TPMT: variants seen among roughly 807,000 people sequenced by gnomAD.
The protein encoded by TPMT is S-adenosyl-L-methionine:thiopurine S-methyltransferase.
A neutral mutation model predicts 34.2 loss-of-function variants in TPMT; 18 were observed. The ratio of observed to expected loss-of-function variants is 0.53; its 90% confidence interval spans 0.36 to 0.78. TPMT has a LOEUF of 0.78. Ranked by LOEUF, TPMT falls within the 30% of genes least tolerant of loss-of-function variation. TPMT has a pLI of 0.00. For missense variants in TPMT, 265 were observed against 288.1 expected (o/e 0.92, Z 0.58); for synonymous variants, 69 against 92.4 (o/e 0.75, Z 1.45).
At position 18,143,300 on chromosome 6, in the gene TPMT, G is replaced by A. The variant is rs1383182995; in HGVS notation, c.366+296C>T. Among the ~76,000 whole-genome samples, 3 of 152,150 alleles carry A rather than the reference G, an allele frequency of 2.0e-5. No individual in the cohort carries two copies. In the East Asian group the frequency reaches 5.8e-4, roughly 29 times the overall value. ...CTTTATCTCTTCAATGTCTTAGGCA[G>A]GGTCTGGCACATGATGGGTTCTCAG... On this transcript the variant is annotated intron_variant, in intron 4 of 8. Coordinates refer to ENST00000309983, the MANE Select transcript of TPMT (RefSeq NM_000367.5). This position sits in a 1 kb window ranked among gnomAD's most constrained non-coding sequence, Gnocchi z 6.1.
chr6:18,154,668 G>A lies in TPMT; in HGVS notation c.-45+365C>T, dbSNP rs540194870. 2.3e-4 allele frequency among the ~76,000 whole-genome samples: 35 copies of A among 152,300 alleles called. No individual in the cohort carries two copies. Among genetic ancestry groups the A allele is most frequent in the African/African-American group, 8.4e-4 (35 of 41,550 alleles). On this transcript the variant is annotated intron_variant, in intron 1 of 8. Transcript: ENST00000309983. This position sits in a 1 kb window ranked among gnomAD's most constrained non-coding sequence, Gnocchi z 4.2. ...CGAGCCTGTAGTCCCAGTTACCGAG[G>A]AGGCTGGGGCGGGAAGATCACTTGA... is the stretch of plus-strand genomic sequence containing the variant.
In TPMT at chr6:18,149,985, G is replaced by A. The variant is rs976762527; in HGVS notation, c.-44-814C>T. On this transcript the variant is annotated intron_variant, in intron 1 of 8. Coordinates refer to ENST00000309983, the MANE Select transcript of TPMT (RefSeq NM_000367.5). This position sits in a 1 kb window ranked among gnomAD's most constrained non-coding sequence, Gnocchi z 5.0. ...CCAGCACACCAAATATTGGACACCA[G>A]TTGGGTATCTTCTGATTTAATTCTG... Among the ~76,000 whole-genome samples, 7 of 152,132 alleles carry A rather than the reference G, an allele frequency of 4.6e-5. No individual in the cohort carries two copies. The highest frequency in any genetic ancestry group is 1.7e-4 in the African/African-American group (7 of 41,446).
At chr6:18,133,512 C>T (rs1029825902) in intron 7 of TPMT, among the ~76,000 whole-genome samples, 1 of 152,202 alleles carries the variant, frequency 6.6e-6, no homozygotes, top group African/African-American at 2.4e-5. Context: ...CCCAATAGGA[C>T]TCATGAGATT....
In TPMT at chr6:18,139,790, C is replaced by A; in HGVS notation, c.367-73G>T. ...TACTTGAATAGTCAAGGAAAGAGGGCCAAGCAAAGCAAAAGTTCTAGGGAA... is the reference window on the plus strand; with the variant it reads ...TACTTGAATAGTCAAGGAAAGAGGGACAAGCAAAGCAAAAGTTCTAGGGAA... On this transcript the variant is annotated intron_variant, in intron 4 of 8. Coordinates refer to ENST00000309983, the MANE Select transcript of TPMT (RefSeq NM_000367.5). This position sits in a 1 kb window ranked among gnomAD's most constrained non-coding sequence, Gnocchi z 4.2. 2.1e-6 allele frequency: 2 copies of A among 964,840 alleles called. No individual in the cohort carries two copies. Among genetic ancestry groups the A allele is most frequent in the Non-Finnish European group, 1.6e-6 (1 of 625,946 alleles). 59.8% of individuals were successfully genotyped at this position (964,840 alleles called of 1,614,324 possible). A position where few individuals can be genotyped will look rare whatever the true frequency, so the allele number is the denominator to read the frequency against.
rs534529294 is a variant in TPMT at position 18,144,877 on chromosome 6, T to A, written c.234-1149A>T. On this transcript the variant is annotated intron_variant, in intron 3 of 8. Coordinates refer to ENST00000309983, the MANE Select transcript of TPMT (RefSeq NM_000367.5). ...CTGGGATTACAGGTGTGCCCCACCA[T>A]ACCCGGCTAATTTTTGTATTTTTAG... is the stretch of plus-strand genomic sequence containing the variant. Among the ~76,000 whole-genome samples, 4 of 150,918 alleles carry A rather than the reference T, an allele frequency of 2.7e-5. No homozygotes were observed. The South Asian group carries it at 8.4e-4, about 32-fold the overall frequency.
intron 3 of TPMT, among the ~76,000 whole-genome samples, chr6:18,144,288 G>A (rs923544795): frequency 4.6e-5 from 7 of 152,100 alleles, no homozygotes; most frequent in African/African-American, 1.4e-4. Context: ...TACTAATCTT[G>A]TAGTTTCCAT....
Position 18,139,083 on chromosome 6 carries a change from T to G in TPMT, c.420-46A>C, listed in dbSNP as rs1420148917. On this transcript the variant is annotated intron_variant, in intron 5 of 8. Transcript: ENST00000309983. The surrounding 1 kb of genome is among the most constrained non-coding windows in gnomAD (Gnocchi z 4.2). ...ATTTTATGGGAGAAAAATCAAATCTTTAAGAAGATGAGCAGCGTCCCCCAT... is the reference window on the plus strand; with the variant it reads ...ATTTTATGGGAGAAAAATCAAATCTGTAAGAAGATGAGCAGCGTCCCCCAT... 17 of 1,543,824 alleles carry G rather than the reference T, an allele frequency of 1.1e-5. No homozygotes were observed. Among genetic ancestry groups the G allele is most frequent in the South Asian group, 7.8e-5 (7 of 89,810 alleles).
chr6:18,132,449 T>TG lies in TPMT; in HGVS notation c.581-273dup, dbSNP rs1012158122. ...GAGTGGATTCCATCAGCAGATTCCT[T>TG]GGGGGTTTCAACCATCTTCTAGCAT... On this transcript the variant is annotated intron_variant, in intron 7 of 8. Coordinates refer to ENST00000309983, the MANE Select transcript of TPMT (RefSeq NM_000367.5). The surrounding 1 kb of genome is among the most constrained non-coding windows in gnomAD (Gnocchi z 4.8). Among the ~76,000 whole-genome samples the TG allele has an allele frequency of 3.9e-5, 6 of 152,188 alleles. No homozygotes were observed. The highest frequency in any genetic ancestry group is 1.4e-4 in the African/African-American group (6 of 41,520).
intron 4 of TPMT, among the ~76,000 whole-genome samples, chr6:18,141,947 A>G (rs796751352): frequency 1.3e-5 from 2 of 152,162 alleles, no homozygotes; most frequent in South Asian, 2.1e-4. Flanking sequence ...CCACCTGTAG[A>G]GTAAGAAGCA....
rs111901354 is a variant in TPMT at position 18,143,718 on chromosome 6, G to A, written c.244C>T (p.Arg82Trp). Residue 82 changes from arginine (R) to tryptophan (W), a missense_variant, in exon 4 of 9, where the codon CGG becomes TGG. Physicochemically the swap from Arg to Trp is moderately radical, Grantham distance 101. Transcript: ENST00000309983. The surrounding 1 kb of genome is among the most constrained non-coding windows in gnomAD (Gnocchi z 6.1). ...TCCACACCAACTACACTGTGTCCCC[G>A]GTCTGCAAACCTGCATAAAATCATA... ...KAVEMKWFAD[R>W]GHSVVGVEIS... is the part of the protein sequence containing the mutation. 5.3e-5 allele frequency: 86 copies of A among 1,613,678 alleles called. No homozygotes were observed. The South Asian group carries it at 6.7e-4, about 13-fold the overall frequency.
intron 3 of TPMT, among the ~76,000 whole-genome samples, chr6:18,144,082 GC>G (rs1784202427): frequency 6.6e-6 from 1 of 152,162 alleles, no homozygotes; most frequent in South Asian, 2.1e-4. Flanking sequence ...AATCAGCACT[GC>G]CCATTAAAAT....
At position 18,150,804 on chromosome 6, in the gene TPMT, G is replaced by A. The variant is rs1275510095; in HGVS notation, c.-44-1633C>T. Among the ~76,000 whole-genome samples, 1 of 152,146 alleles carries A rather than the reference G, an allele frequency of 6.6e-6. No individual in the cohort carries two copies. Among genetic ancestry groups the A allele is most frequent in the South Asian group, 2.1e-4 (1 of 4,830 alleles). ...GCCATAGGGGGTTGGGCACCCTAAA[G>A]GTTTAGTGAAGAATCACGCCCACCT... On this transcript the variant is annotated intron_variant, in intron 1 of 8. Coordinates refer to ENST00000309983, the MANE Select transcript of TPMT (RefSeq NM_000367.5). The surrounding 1 kb of genome is among the most constrained non-coding windows in gnomAD (Gnocchi z 5.3).
At chr6:18,151,183 TC>T (rs2037799203) in intron 1 of TPMT, among the ~76,000 whole-genome samples, 1 of 123,418 alleles carries the variant, frequency 8.1e-6, no homozygotes, top group African/African-American at 3.4e-5. Flanking sequence ...ACTTCTTCTC[TC>T]TTTTTTTTTT....
In TPMT at chr6:18,143,626, G is replaced by A. The variant is rs150379426; in HGVS notation, c.336C>T (p.Ile112=). The A allele has an allele frequency of 8.0e-5, 129 of 1,613,058 alleles. No homozygotes were observed. Among genetic ancestry groups the A allele is most frequent in the Non-Finnish European group, 1.1e-4 (129 of 1,179,992 alleles). The change falls in exon 4 of 9, where the codon ATC becomes ATT. Residue 112 remains isoleucine (I), a synonymous_variant. Transcript: ENST00000309983. This position sits in a 1 kb window ranked among gnomAD's most constrained non-coding sequence, Gnocchi z 6.1. ...ATACTTTGGTTCCAGGAATTTCGGT[G>A]ATTGGTTCTTCTGAGTAAGAAAGAT... The part of the protein sequence containing the change: ...EQNLSYSEEP[I]TEIPGTKVFK...
intron 7 of TPMT, among the ~76,000 whole-genome samples, chr6:18,133,564 A>T (rs1233649125): frequency 6.6e-6 from 1 of 152,188 alleles, no homozygotes; most frequent in African/African-American, 2.4e-5. Flanking sequence ...GCTCTTCTCT[A>T]GTCTGAATTG....
At chr6:18,137,583 ATATTT>A (rs1248774259) in intron 6 of TPMT, among the ~76,000 whole-genome samples, 2 of 152,228 alleles carry the variant, frequency 1.3e-5, no homozygotes, top group East Asian at 3.8e-4. Context: ...TTCCTCACTC[ATATTT>A]TAATTTTATT....
Position 18,131,973 on chromosome 6 carries a change from C to T in TPMT, c.625+160G>A, listed in dbSNP as rs1296826630. On this transcript the variant is annotated intron_variant, in intron 8 of 8. Transcript: ENST00000309983. This position sits in a 1 kb window ranked among gnomAD's most constrained non-coding sequence, Gnocchi z 4.3. ...TTGTATTTTTGTAGAGACAGGGTTT[C>T]GCCATGTTGGCCAGGCTGGTCTCGA... 2.6e-5 allele frequency among the ~76,000 whole-genome samples: 4 copies of T among 152,152 alleles called. No homozygotes were observed. Among genetic ancestry groups the T allele is most frequent in the Non-Finnish European group, 2.9e-5 (2 of 68,024 alleles).
chr6:18,143,859 G>T lies in TPMT; in HGVS notation c.234-131C>A. 3 of 1,181,114 alleles carry T rather than the reference G, an allele frequency of 2.5e-6. No homozygotes were observed. The highest frequency in any genetic ancestry group is 3.6e-6 in the Non-Finnish European group (3 of 834,832). The allele number at this position is 1,181,114 out of a possible 1,614,324, so 73.2% of individuals were successfully genotyped here. A position where few individuals can be genotyped will look rare whatever the true frequency, so the allele number is the denominator to read the frequency against. On this transcript the variant is annotated intron_variant, in intron 3 of 8. Transcript: ENST00000309983. The surrounding 1 kb of genome is among the most constrained non-coding windows in gnomAD (Gnocchi z 6.1). ...GAATTCAGGTTCATAGGGTTTCAAAGAACATGCAGGAAAGCAGATCTATAT... is the reference window on the plus strand; with the variant it reads ...GAATTCAGGTTCATAGGGTTTCAAATAACATGCAGGAAAGCAGATCTATAT...
Position 18,138,264 on chromosome 6 carries a change from G to GTTTTTTTTT in TPMT, c.494+690_494+698dup, listed in dbSNP as rs11341076. On this transcript the variant is annotated intron_variant, in intron 6 of 8. Transcript: ENST00000309983. This position sits in a 1 kb window ranked among gnomAD's most constrained non-coding sequence, Gnocchi z 4.1. The stretch of plus-strand genomic sequence containing the variant: ...CCACATGAAATATTTTGATTTTTTT[G>GTTTTTTTTT]TTTTTTTTTTTTTTTAAATATTTTA... Among the ~76,000 whole-genome samples the GTTTTTTTTT allele has an allele frequency of 7.1e-6, 1 of 140,548 alleles. No homozygotes were observed. Among genetic ancestry groups the GTTTTTTTTT allele is most frequent in the Non-Finnish European group, 1.5e-5 (1 of 65,286 alleles). 92.2% of individuals were successfully genotyped at this position (140,548 alleles called of 152,430 possible). A position where few individuals can be genotyped will look rare whatever the true frequency, so the allele number is the denominator to read the frequency against.
Sources: allele counts gnomAD v4.1 joint callset (sites outside exome capture counted in the v4.1 genomes callset), GRCh38; gene constraint gnomAD v4.1.1; non-coding constraint Gnocchi (gnomAD v3.1); transcripts MANE v1.5; gene names NCBI Gene and HGNC (gene_info 2026-07-23, HGNC 2026-07-21).